FRAS1: variants seen among roughly 807,000 people sequenced by gnomAD.
The protein encoded by FRAS1 is Fraser extracellular matrix complex subunit 1, also known as extracellular matrix organizing protein FRAS1.
A neutral mutation model predicts 435.2 loss-of-function variants in FRAS1; 290 were observed. The ratio of observed to expected loss-of-function variants is 0.67; its 90% CI spans 0.61 to 0.73. FRAS1 has a LOEUF of 0.73. FRAS1 is among the 30% of genes least tolerant of loss of function. FRAS1 has a pLI of 0.00. For missense variants in FRAS1, 4,860 were observed against 5,001.5 expected, an observed-to-expected ratio of 0.97 and a Z score of 0.85; for synonymous variants, 1,800 against 1,851.0, an observed-to-expected ratio of 0.97 and a Z score of 0.71.
intron 25 of FRAS1, 95 bp downstream of exon 25, chr4:78,374,346 G>A: frequency 7.8e-7 from 1 of 1,281,212 alleles, no homozygotes; most frequent in Non-Finnish European, 1.1e-6. Context: ...ACTTAAATTA[G>A]AAAGCAGAAT....
Position 78,502,379 on chromosome 4 carries a change from T to G in FRAS1, c.9316+2458T>G, listed in dbSNP as rs1450253454. Reference sequence around the variant, plus strand: ...TGGAATGTTCTTCCATTTGTTTGTGTCCTCCTTTATTTCATTAAACAGGGG... The same window carrying G: ...TGGAATGTTCTTCCATTTGTTTGTGGCCTCCTTTATTTCATTAAACAGGGG... On this transcript the variant is annotated intron_variant, in intron 61 of 73. Transcript: ENST00000512123. Among the ~76,000 whole-genome samples the G allele has an allele frequency of 2.0e-5, 3 of 152,208 alleles. No homozygotes were observed. In the East Asian group the frequency reaches 5.8e-4, roughly 29 times the overall value.
chr4:78,506,969 G>C (rs1036774232), intron 61 of FRAS1, among the ~76,000 whole-genome samples: 17 of 152,178 alleles, frequency 1.1e-4, no homozygotes, highest in Admixed American at 9.8e-4. Flanking sequence ...TGTGGAGGCT[G>C]GCTTGGTAGA....
chr4:78,102,108 G>A (rs1322560779), intron 2 of FRAS1, among the ~76,000 whole-genome samples: 1 of 151,398 alleles, frequency 6.6e-6, no homozygotes, highest in African/African-American at 2.5e-5. Context: ...TTTGATCACG[G>A]TTGAATATGG....
At chr4:78,404,407 C>CA (rs769957965) in intron 30 of FRAS1, among the ~76,000 whole-genome samples, 5,617 of 115,854 alleles carry the variant, frequency 0.048, 194 homozygotes, top group African/African-American at 0.11. Flanking sequence ...TGAGGTACTA[C>CA]AAAAAAAAAA....
intron 2 of FRAS1, among the ~76,000 whole-genome samples, chr4:78,121,532 C>T (rs908430366): frequency 6.6e-6 from 1 of 152,190 alleles, no homozygotes; most frequent in Non-Finnish European, 1.5e-5. Flanking sequence ...GTCTATGTGC[C>T]TCTTGGCACG....
In FRAS1 at chr4:78,354,290, G is replaced by A. The variant is rs538216449; in HGVS notation, c.2423-9223G>A. On this transcript the variant is annotated intron_variant, in intron 20 of 73. Coordinates refer to ENST00000512123, the MANE Select transcript of FRAS1 (RefSeq NM_025074.7). ...TCATTCTGTTGTCGTGTTTTATTTGGTTAGTTTTTTAAGAGTAAAACAATA... is the reference window on the plus strand; with the variant it reads ...TCATTCTGTTGTCGTGTTTTATTTGATTAGTTTTTTAAGAGTAAAACAATA... Among the ~76,000 whole-genome samples, 385 of 152,198 alleles carry A rather than the reference G, an allele frequency of 2.5e-3. 1 individual carries two copies. Among genetic ancestry groups the A allele is most frequent in the African/African-American group, 8.8e-3 (365 of 41,522 alleles).
chr4:78,499,635 C>T (rs756305868), intron 60 of FRAS1, 86 bp from the exon 61 acceptor site: 1 of 1,267,308 alleles, frequency 7.9e-7, no homozygotes, highest in Non-Finnish European at 1.1e-6. Context: ...ACAATTTCCT[C>T]TTGTCATTAT....
chr4:78,323,645 A>G (rs1466948969), intron 18 of FRAS1, among the ~76,000 whole-genome samples: 2 of 152,086 alleles, frequency 1.3e-5, no homozygotes, highest in Non-Finnish European at 2.9e-5. Context: ...TCTCATAGCT[A>G]CCTTTGTGCC....
intron 47 of FRAS1, among the ~76,000 whole-genome samples, chr4:78,462,913 G>A (rs1004444804): frequency 2.0e-5 from 3 of 152,156 alleles, no homozygotes; most frequent in Non-Finnish European, 4.4e-5. Flanking sequence ...TAAAGATAAA[G>A]CAGTGATACT....
intron 14 of FRAS1, among the ~76,000 whole-genome samples, chr4:78,296,136 G>A (rs1325993173): frequency 6.6e-6 from 1 of 151,274 alleles, no homozygotes; most frequent in East Asian, 1.9e-4. Context: ...TGGTGCAAAA[G>A]TAATTGCAGT....
intron 9 of FRAS1, among the ~76,000 whole-genome samples, chr4:78,277,889 G>C (rs898579472): frequency 6.6e-6 from 1 of 151,530 alleles, no homozygotes; most frequent in Non-Finnish European, 1.5e-5. Flanking sequence ...TCGGCTCACT[G>C]CAAGCTCCGC....
In FRAS1 at chr4:78,445,943, G is replaced by A. The variant is rs190237022; in HGVS notation, c.5856+231G>A. On this transcript the variant is annotated intron_variant, in intron 42 of 73. Transcript: ENST00000512123. ...ATTTCAGGATTGAATTTATTTGTTC[G>A]GTGTGAAAAACAGTTTGTGAAGGTC... 148 of 1,304,084 alleles carry A rather than the reference G, an allele frequency of 1.1e-4. 2 individuals carry two copies. In the Middle Eastern group the frequency reaches 6.7e-3, roughly 59 times the overall value. 80.8% of individuals were successfully genotyped at this position (1,304,084 alleles called of 1,614,324 possible). A position where few individuals can be genotyped will look rare whatever the true frequency, so the allele number is the denominator to read the frequency against.
chr4:78,160,825 C>T (rs72860680), intron 2 of FRAS1, among the ~76,000 whole-genome samples: 2,410 of 152,138 alleles, frequency 0.016, 66 homozygotes, highest in African/African-American at 0.054. Flanking sequence ...CATAAAATGA[C>T]ATAAGCCATT....
intron 45 of FRAS1, among the ~76,000 whole-genome samples, chr4:78,450,798 G>A (rs2109835156): frequency 6.6e-6 from 1 of 152,224 alleles, no homozygotes; most frequent in East Asian, 1.9e-4. Flanking sequence ...AAATTACATG[G>A]CACATCCCTC....
At chr4:78,122,718 T>C (rs563485099) in intron 2 of FRAS1, among the ~76,000 whole-genome samples, 1 of 152,362 alleles carries the variant, frequency 6.6e-6, no homozygotes, top group Admixed American at 6.5e-5. Flanking sequence ...TGCATTTTTC[T>C]AATGACCAGT....
chr4:78,429,338 G>A, intron 36 of FRAS1, 112 bp downstream of exon 36: 1 of 1,343,486 alleles, frequency 7.4e-7, no homozygotes, highest in Non-Finnish European at 9.9e-7. Flanking sequence ...TCCAGAAGTT[G>A]CCTGCATTCT....
chr4:78,469,516 C>T (rs891958371), intron 50 of FRAS1, among the ~76,000 whole-genome samples: 1 of 152,082 alleles, frequency 6.6e-6, no homozygotes, highest in Non-Finnish European at 1.5e-5. Context: ...CCATGAAAAC[C>T]TCTTTCACAT....
chr4:78,278,804 G>A (rs1727185910), intron 10 of FRAS1, 60 bp downstream of exon 10: 1 of 981,980 alleles, frequency 1.0e-6, no homozygotes, highest in East Asian at 2.4e-5. Flanking sequence ...AATCTAATGA[G>A]GGAACATTAC....
At chr4:78,121,430 G>A (rs77754743) in intron 2 of FRAS1, among the ~76,000 whole-genome samples, 5 of 152,184 alleles carry the variant, frequency 3.3e-5, no homozygotes, top group South Asian at 2.1e-4. Flanking sequence ...CCTGATTAGG[G>A]TGAGGGGTGT....
Sources: allele counts gnomAD v4.1 joint callset (sites outside exome capture counted in the v4.1 genomes callset), GRCh38; gene constraint gnomAD v4.1.1; transcripts MANE v1.5; gene names NCBI Gene and HGNC (gene_info 2026-07-23, HGNC 2026-07-21).